Variants in KCMF1 observed in about 807,000 individuals in gnomAD.
The protein encoded by KCMF1 is potassium channel modulatory factor 1, also known as E3 ubiquitin-protein ligase KCMF1.
A neutral mutation model predicts 41.1 loss-of-function variants in KCMF1; 3 were observed. The observed-to-expected ratio is 0.07, with a 90% CI of 0.03 to 0.19. KCMF1 has a LOEUF of 0.19. Ranked by LOEUF, KCMF1 falls within the 10% of genes least tolerant of loss-of-function variation. KCMF1 has a pLI of 1.00. For missense variants in KCMF1, 286 were observed against 488.9 expected, an observed-to-expected ratio of 0.58 and a Z score of 3.91; for synonymous variants, 142 against 164.5, an observed-to-expected ratio of 0.86 and a Z score of 1.04.
intron 1 of KCMF1, among the ~76,000 whole-genome samples, chr2:85,000,711 G>A (rs186459704): frequency 1.3e-5 from 2 of 151,382 alleles, no homozygotes; most frequent in Admixed American, 1.3e-4. Flanking sequence ...TACTAAAACT[G>A]TGAATAATAT....
intron 3 of KCMF1, among the ~76,000 whole-genome samples, chr2:85,041,692 T>G (rs1287460423): frequency 1.3e-5 from 2 of 151,898 alleles, no homozygotes; most frequent in African/African-American, 4.8e-5. Flanking sequence ...GAATGATGAG[T>G]CTCTAAGGTA....
In KCMF1 at chr2:84,979,994, G is replaced by C. The variant is rs373432709; in HGVS notation, c.16+8527G>C. On this transcript the variant is annotated intron_variant, in intron 1 of 6. Coordinates refer to ENST00000409785, the MANE Select transcript of KCMF1 (RefSeq NM_020122.5). Reference sequence around the variant, plus strand: ...TGCGCCACCACGCCCGGCTAATTTTGTATTTTTTTTTTTTTTGTAGTAGAG... The same window carrying C: ...TGCGCCACCACGCCCGGCTAATTTTCTATTTTTTTTTTTTTTGTAGTAGAG... Among the ~76,000 whole-genome samples the C allele has an allele frequency of 2.4e-3, 351 of 149,124 alleles. 2 individuals are homozygous for C. The highest frequency in any genetic ancestry group is 0.017 in the Middle Eastern group (5 of 288).
At chr2:84,986,974 G>C (rs964564892) in intron 1 of KCMF1, among the ~76,000 whole-genome samples, 1 of 152,224 alleles carries the variant, frequency 6.6e-6, no homozygotes, top group Non-Finnish European at 1.5e-5. Flanking sequence ...TTCAATGCTA[G>C]TAGTCTGTTT....
At chr2:85,044,380 C>CT (rs549556240) in intron 4 of KCMF1, among the ~76,000 whole-genome samples, 54 of 148,640 alleles carry the variant, frequency 3.6e-4, no homozygotes, top group African/African-American at 1.1e-3. Flanking sequence ...CTTTTCTTTT[C>CT]TTTTTTTTTT....
chr2:85,011,451 T>G (rs1674651014), intron 1 of KCMF1, among the ~76,000 whole-genome samples: 1 of 152,234 alleles, frequency 6.6e-6, no homozygotes, highest in Non-Finnish European at 1.5e-5. Flanking sequence ...GACAAGGCAT[T>G]TTAATTGCTA....
At chr2:85,007,827 C>T (rs926454184) in intron 1 of KCMF1, among the ~76,000 whole-genome samples, 13 of 152,118 alleles carry the variant, frequency 8.5e-5, no homozygotes, top group African/African-American at 3.1e-4. Context: ...AGTGCAATGG[C>T]GTGATCTCAC....
At chr2:85,030,795 C>T (rs949956280) in intron 2 of KCMF1, among the ~76,000 whole-genome samples, 1 of 152,174 alleles carries the variant, frequency 6.6e-6, no homozygotes, top group Non-Finnish European at 1.5e-5. Flanking sequence ...TTCCCAGGCT[C>T]AAGCAATCCT....
chr2:85,032,620 G>T (rs143441819), intron 2 of KCMF1, among the ~76,000 whole-genome samples: 1,581 of 152,012 alleles, frequency 0.01, 22 homozygotes, highest in African/African-American at 0.036. Context: ...TAGGTGATCC[G>T]CCCACCTTGG....
intron 6 of KCMF1, among the ~76,000 whole-genome samples, chr2:85,050,117 C>A (rs1353635255): frequency 6.6e-6 from 1 of 152,184 alleles, no homozygotes; most frequent in Non-Finnish European, 1.5e-5. Flanking sequence ...CCATGCACTC[C>A]AGCCTGGGTG....
At chr2:84,978,006 CTT>C (rs79184611) in intron 1 of KCMF1, among the ~76,000 whole-genome samples, 26 of 145,824 alleles carry the variant, frequency 1.8e-4, no homozygotes, top group Non-Finnish European at 2.9e-4. Context: ...TAGCAGCAAT[CTT>C]TTTTTTTTTT....
chr2:84,981,978 T>G (rs998663684), intron 1 of KCMF1, among the ~76,000 whole-genome samples: 1 of 152,062 alleles, frequency 6.6e-6, no homozygotes, highest in East Asian at 1.9e-4. Flanking sequence ...AGACAGAGTT[T>G]CACCATGTTA....
intron 1 of KCMF1, among the ~76,000 whole-genome samples, chr2:85,020,751 G>A (rs1012923900): frequency 3.9e-5 from 6 of 152,170 alleles, no homozygotes; most frequent in Non-Finnish European, 8.8e-5. Context: ...TTTTGAATAA[G>A]AAAATTTTTA....
At chr2:84,981,558 C>CT (rs1397875763) in intron 1 of KCMF1, among the ~76,000 whole-genome samples, 2 of 152,138 alleles carry the variant, frequency 1.3e-5, no homozygotes, top group East Asian at 3.9e-4. Flanking sequence ...ATGATATCAA[C>CT]TTTTTCTACA....
intron 1 of KCMF1, among the ~76,000 whole-genome samples, chr2:85,011,940 T>C (rs1674662998): frequency 2.0e-5 from 3 of 152,134 alleles, no homozygotes; most frequent in African/African-American, 7.2e-5. Context: ...TCTCCATACA[T>C]TGCTAAGTGA....
At chr2:84,972,402 A>G (rs888811585) in intron 1 of KCMF1, among the ~76,000 whole-genome samples, 5 of 152,234 alleles carry the variant, frequency 3.3e-5, no homozygotes, top group African/African-American at 1.2e-4. Flanking sequence ...CTGGTAAGAA[A>G]TAAGTTAACT....
At chr2:84,973,370 T>C (rs1197857477) in intron 1 of KCMF1, among the ~76,000 whole-genome samples, 1 of 152,224 alleles carries the variant, frequency 6.6e-6, no homozygotes, top group Non-Finnish European at 1.5e-5. Context: ...TTTCCCCCCA[T>C]TTGGTGCTGT....
intron 1 of KCMF1, among the ~76,000 whole-genome samples, chr2:85,024,593 T>C (rs556085138): frequency 1.6e-3 from 239 of 152,054 alleles, no homozygotes; most frequent in African/African-American, 5.4e-3. Flanking sequence ...AGTGTGTGTG[T>C]GTGTGTGTGT....
chr2:84,995,512 A>T (rs1477989586), intron 1 of KCMF1, among the ~76,000 whole-genome samples: 1 of 152,166 alleles, frequency 6.6e-6, no homozygotes, highest in Non-Finnish European at 1.5e-5. Context: ...TGGTTGTCTC[A>T]GTGGGTTCAG....
At chr2:85,012,244 A>G (rs929519470) in intron 1 of KCMF1, among the ~76,000 whole-genome samples, 2 of 152,186 alleles carry the variant, frequency 1.3e-5, no homozygotes, top group Non-Finnish European at 1.5e-5. Flanking sequence ...ATTTGTTTAC[A>G]TGCTCTTAAA....
Sources: allele counts gnomAD v4.1 joint callset (sites outside exome capture counted in the v4.1 genomes callset), GRCh38; gene constraint gnomAD v4.1.1; transcripts MANE v1.5; gene names NCBI Gene and HGNC (gene_info 2026-07-23, HGNC 2026-07-21).